DIP2B: variants seen among roughly 807,000 people sequenced by gnomAD.
DIP2B encodes the protein DIP2 acetate--CoA ligase B (putative), also known as disco-interacting protein 2 homolog B.
Under a neutral mutation model 198.0 loss-of-function variants are expected in DIP2B, and 76 were observed. The ratio of observed to expected loss-of-function variants is 0.38; its 90% CI spans 0.32 to 0.46. The LOEUF (loss-of-function observed/expected upper bound fraction) is 0.46. Ranked by LOEUF, DIP2B falls within the 20% of genes least tolerant of loss-of-function variation. The pLI is 0.99. For synonymous variants in DIP2B, 701 were observed against 739.1 expected (o/e 0.95, Z 0.84); for missense variants, 1,559 against 1,978.4 (o/e 0.79, Z 4.02).
At chr12:50,590,858 C>G (rs1255333561) in intron 1 of DIP2B, among the ~76,000 whole-genome samples, 1 of 152,168 alleles carries the variant, frequency 6.6e-6, no homozygotes, top group Non-Finnish European at 1.5e-5. Flanking sequence ...ACTCCACTTT[C>G]AAGTTAGATT....
At chr12:50,511,316 A>C (rs868111086) in intron 1 of DIP2B, among the ~76,000 whole-genome samples, 2 of 1,974 alleles carry the variant, frequency 1.0e-3, no homozygotes, top group Admixed American at 6.0e-3. Context: ...TTTTTTTGAG[A>C]CAGGGTCTCA....
In DIP2B at chr12:50,746,778, A is replaced by G. The variant is rs543071763; in HGVS notation, c.*1939A>G. ...CTTAATTTTCTTAAAACTATTTTTA[A>G]TGATCCACTAAACAAAGCAGGGGAT... On this transcript the variant is annotated 3_prime_UTR_variant, in exon 38 of 38. Coordinates refer to ENST00000301180, the MANE Select transcript of DIP2B (RefSeq NM_173602.3). 1.3e-5 allele frequency: 2 copies of G among 152,348 alleles called. No homozygotes were observed. The highest frequency in any genetic ancestry group is 1.9e-4 in the East Asian group (1 of 5,188). The allele number at this position is 152,348 out of a possible 1,614,324, so 9.4% of individuals were successfully genotyped here.
At chr12:50,546,012 C>G (rs1488278883) in intron 1 of DIP2B, among the ~76,000 whole-genome samples, 1 of 152,224 alleles carries the variant, frequency 6.6e-6, no homozygotes, top group African/African-American at 2.4e-5. Context: ...TTTTACAGTT[C>G]TTTCTGTGGA....
chr12:50,573,173 C>T (rs1958630147), intron 1 of DIP2B, among the ~76,000 whole-genome samples: 1 of 152,164 alleles, frequency 6.6e-6, no homozygotes, highest in Non-Finnish European at 1.5e-5. Flanking sequence ...AGGTAAATAC[C>T]ATAAAATCCC....
intron 1 of DIP2B, among the ~76,000 whole-genome samples, chr12:50,523,541 G>A (rs539108120): frequency 1.0e-3 from 155 of 152,084 alleles, no homozygotes; most frequent in Middle Eastern, 3.4e-3. Flanking sequence ...GATTCTTTAG[G>A]GAATGGAGAA....
At chr12:50,707,723 G>A (rs1939539593) in intron 21 of DIP2B, among the ~76,000 whole-genome samples, 1 of 152,078 alleles carries the variant, frequency 6.6e-6, no homozygotes, top group Non-Finnish European at 1.5e-5. Flanking sequence ...AACACATGGG[G>A]GTGGGGGTGG....
chr12:50,650,767 A>T (rs1165439254), intron 3 of DIP2B, among the ~76,000 whole-genome samples: 1 of 152,214 alleles, frequency 6.6e-6, no homozygotes, highest in Non-Finnish European at 1.5e-5. Flanking sequence ...TGCAGTGAAC[A>T]TGAGTGTACA....
Position 50,728,439 on chromosome 12 carries a change from A to G in DIP2B, c.3511-109A>G, listed in dbSNP as rs1012297615. The G allele has an allele frequency of 3.2e-5, 42 of 1,301,876 alleles. No homozygotes were observed. The African/African-American group carries it at 5.2e-4, about 16-fold the overall frequency. 80.6% of individuals were successfully genotyped at this position (1,301,876 alleles called of 1,614,324 possible). A position where few individuals can be genotyped will look rare whatever the true frequency, so the allele number is the denominator to read the frequency against. On this transcript the variant is annotated intron_variant, in intron 29 of 37. Transcript: ENST00000301180. The stretch of plus-strand genomic sequence containing the variant: ...GGCTTTGAAGCACTAAAAATTATGC[A>G]TTGTTTTGAGGAGTTTAGGGAATTG...
chr12:50,632,578 C>T (rs1447388667), intron 2 of DIP2B, among the ~76,000 whole-genome samples: 2 of 148,658 alleles, frequency 1.3e-5, no homozygotes, highest in Non-Finnish European at 3.0e-5. Flanking sequence ...GCTCTGTCAC[C>T]CAGGCTGGAG....
chr12:50,671,918 C>T (rs955439683), intron 5 of DIP2B, among the ~76,000 whole-genome samples: 1 of 152,190 alleles, frequency 6.6e-6, no homozygotes. Flanking sequence ...CTCTGAGCTG[C>T]TATCGATACA....
At chr12:50,669,512 T>A (rs530543804) in intron 4 of DIP2B, among the ~76,000 whole-genome samples, 1 of 152,296 alleles carries the variant, frequency 6.6e-6, no homozygotes, top group South Asian at 2.1e-4. Flanking sequence ...AACCTCCGCC[T>A]CCCGGTCTTA....
chr12:50,526,808 G>T (rs1198848909), intron 1 of DIP2B, among the ~76,000 whole-genome samples: 1 of 151,778 alleles, frequency 6.6e-6, no homozygotes, highest in African/African-American at 2.4e-5. Context: ...GCTACTTTTT[G>T]TATTTTTAGT....
At chr12:50,715,359 A>C (rs963114890) in intron 23 of DIP2B, among the ~76,000 whole-genome samples, 2 of 151,996 alleles carry the variant, frequency 1.3e-5, no homozygotes, top group Non-Finnish European at 1.5e-5. Flanking sequence ...CTCCAGGCTT[A>C]GGTTGGGTTC....
intron 9 of DIP2B, among the ~76,000 whole-genome samples, chr12:50,681,330 G>A (rs989432412): frequency 6.6e-6 from 1 of 152,006 alleles, no homozygotes; most frequent in African/African-American, 2.4e-5. Flanking sequence ...CAGCTACTCG[G>A]GAGGTTAAGG....
intron 11 of DIP2B, 142 bp downstream of exon 11, chr12:50,686,098 TC>T: frequency 2.2e-6 from 2 of 890,192 alleles, no homozygotes; most frequent in African/African-American, 1.7e-5. Context: ...ACCATTATTA[TC>T]CCCATTTTAC....
intron 1 of DIP2B, among the ~76,000 whole-genome samples, chr12:50,548,112 A>G (rs1958393241): frequency 6.6e-6 from 1 of 152,182 alleles, no homozygotes; most frequent in East Asian, 1.9e-4. Flanking sequence ...ATTTTTATAC[A>G]TAGGAAAAAC....
chr12:50,687,899 T>TA (rs546984188), intron 12 of DIP2B, among the ~76,000 whole-genome samples: 9,895 of 133,512 alleles, frequency 0.074, 684 homozygotes, highest in East Asian at 0.33. Context: ...AAAGTAAAAT[T>TA]AAAAAAAAAA....
At chr12:50,661,551 C>T (rs1938647926) in intron 4 of DIP2B, among the ~76,000 whole-genome samples, 1 of 152,120 alleles carries the variant, frequency 6.6e-6, no homozygotes, top group Non-Finnish European at 1.5e-5. Context: ...TCAAGTGTTT[C>T]TCAAAATGTA....
In DIP2B at chr12:50,742,786, C is replaced by T. The variant is rs1332964225; in HGVS notation, c.4478+1247C>T. Reference sequence around the variant, plus strand: ...TGGCAGGCACCCGTAATCCTAGCTGCTCGGGAGGCTGAGGCAGGAAAATTG... The same window carrying T: ...TGGCAGGCACCCGTAATCCTAGCTGTTCGGGAGGCTGAGGCAGGAAAATTG... On this transcript the variant is annotated intron_variant, in intron 37 of 37. Coordinates refer to ENST00000301180, the MANE Select transcript of DIP2B (RefSeq NM_173602.3). Among the ~76,000 whole-genome samples, 5 of 151,986 alleles carry T rather than the reference C, an allele frequency of 3.3e-5. No homozygotes were observed. The East Asian group carries it at 9.7e-4, about 30-fold the overall frequency.
Sources: allele counts gnomAD v4.1 joint callset (sites outside exome capture counted in the v4.1 genomes callset), GRCh38; gene constraint gnomAD v4.1.1; transcripts MANE v1.5; gene names NCBI Gene and HGNC (gene_info 2026-07-23, HGNC 2026-07-21).